The following PACSIN2 variants were observed in gnomAD, a reference collection of about 807,000 sequenced individuals.
The protein encoded by PACSIN2 is protein kinase C and casein kinase substrate in neurons 2, also known as protein kinase C and casein kinase substrate in neurons protein 2.
Under a neutral mutation model 63.8 loss-of-function variants are expected in PACSIN2, and 25 were observed. The ratio of observed to expected loss-of-function variants is 0.39; its 90% CI spans 0.29 to 0.55. PACSIN2 has a LOEUF of 0.55. Among genes scored for constraint, PACSIN2 ranks in the 20% least tolerant of loss-of-function variants. The pLI is 0.62. For synonymous variants in PACSIN2, 255 were observed against 256.2 expected, an observed-to-expected ratio of 1.00 and a Z score of 0.05; for missense variants, 518 against 646.9, an observed-to-expected ratio of 0.80 and a Z score of 2.16.
intron 2 of PACSIN2, among the ~76,000 whole-genome samples, chr22:42,907,396 T>G (rs923439721): frequency 6.6e-6 from 1 of 152,190 alleles, no homozygotes; most frequent in African/African-American, 2.4e-5. Flanking sequence ...CAGATACTAG[T>G]TCAGTGAAAA....
chr22:42,922,999 C>G (rs773708973), intron 1 of PACSIN2, among the ~76,000 whole-genome samples: 12 of 152,246 alleles, frequency 7.9e-5, no homozygotes, highest in Non-Finnish European at 1.2e-4. Context: ...GGGGAGGGGT[C>G]TTTCCGGCAG....
intron 1 of PACSIN2, among the ~76,000 whole-genome samples, chr22:42,925,480 T>TAAA (rs57374574): frequency 7.4e-6 from 1 of 134,318 alleles, no homozygotes; most frequent in African/African-American, 2.7e-5. Flanking sequence ...ACTCCGTCTT[T>TAAA]AAAAAAAAAA....
intron 1 of PACSIN2, among the ~76,000 whole-genome samples, chr22:42,925,824 T>C (rs555557576): frequency 1.4e-4 from 21 of 152,324 alleles, no homozygotes; most frequent in African/African-American, 4.8e-4. Context: ...ACCACCGGCC[T>C]CACGGGAGGC....
chr22:42,938,508 G>C (rs1411191019), intron 1 of PACSIN2, among the ~76,000 whole-genome samples: 10 of 152,216 alleles, frequency 6.6e-5, no homozygotes, highest in Non-Finnish European at 1.5e-4. Flanking sequence ...AGCAGGTAGG[G>C]AATCTTTTTC....
intron 1 of PACSIN2, among the ~76,000 whole-genome samples, chr22:42,977,854 G>A (rs1921817103): frequency 6.6e-6 from 1 of 152,082 alleles, no homozygotes; most frequent in Admixed American, 6.6e-5. Flanking sequence ...GTTTCCTGAG[G>A]CCTCCTAGCC....
chr22:42,874,323 T>TAA (rs5845568), intron 10 of PACSIN2, among the ~76,000 whole-genome samples: 132 of 133,866 alleles, frequency 9.9e-4, no homozygotes, highest in Non-Finnish European at 1.4e-3. Flanking sequence ...GTGTCTCTAT[T>TAA]AAAAAAAAAA....
intron 2 of PACSIN2, among the ~76,000 whole-genome samples, chr22:42,904,521 C>T (rs1447359125): frequency 6.6e-6 from 1 of 152,220 alleles, no homozygotes; most frequent in Non-Finnish European, 1.5e-5. Flanking sequence ...AGACCTGAGG[C>T]TTTTGGCAGA....
At chr22:42,918,606 C>A (rs1931961365) in intron 1 of PACSIN2, among the ~76,000 whole-genome samples, 1 of 152,184 alleles carries the variant, frequency 6.6e-6, no homozygotes, top group Non-Finnish European at 1.5e-5. Context: ...GAGACTCAAC[C>A]CAGACCATCA....
intron 1 of PACSIN2, among the ~76,000 whole-genome samples, chr22:42,977,742 T>G (rs1440295088): frequency 1.3e-5 from 2 of 152,154 alleles, no homozygotes; most frequent in Non-Finnish European, 2.9e-5. Flanking sequence ...AAGTGTGTTC[T>G]CGGAGATCTG....
At chr22:42,947,376 C>T (rs1933470574) in intron 1 of PACSIN2, among the ~76,000 whole-genome samples, 1 of 152,200 alleles carries the variant, frequency 6.6e-6, no homozygotes, top group African/African-American at 2.4e-5. Flanking sequence ...AACCCCTCCA[C>T]TTTCAGGCAG....
chr22:42,961,348 A>G (rs1177896746), intron 1 of PACSIN2, among the ~76,000 whole-genome samples: 1 of 151,762 alleles, frequency 6.6e-6, no homozygotes, highest in Non-Finnish European at 1.5e-5. Context: ...GGAAAACCAG[A>G]GACCTTTGTT....
chr22:42,937,856 G>A lies in PACSIN2; in HGVS notation c.-77-25699C>T, dbSNP rs575397321. On this transcript the variant is annotated intron_variant, in intron 1 of 10. Transcript: ENST00000263246. Reference sequence around the variant, plus strand: ...ACCAGTCACACAGACATGGAGCCCCGCAGGGGGACCCTTCTCCTGGCTCGA... The same window carrying A: ...ACCAGTCACACAGACATGGAGCCCCACAGGGGGACCCTTCTCCTGGCTCGA... Among the ~76,000 whole-genome samples the A allele has an allele frequency of 9.2e-5, 14 of 152,246 alleles. No homozygotes were observed. The South Asian group carries it at 1.5e-3, about 16-fold the overall frequency.
At chr22:43,012,866 C>T (rs1924593992) in intron 1 of PACSIN2, among the ~76,000 whole-genome samples, 1 of 152,188 alleles carries the variant, frequency 6.6e-6, no homozygotes, top group Non-Finnish European at 1.5e-5. Context: ...GTTGGTCAAG[C>T]TGGTCTCGAA....
At chr22:42,951,472 C>G (rs376839450) in intron 1 of PACSIN2, among the ~76,000 whole-genome samples, 1 of 152,166 alleles carries the variant, frequency 6.6e-6, no homozygotes, top group African/African-American at 2.4e-5. Context: ...GCTCCAGATC[C>G]GGCATGGCCC....
At chr22:42,949,006 G>A (rs1225091754) in intron 1 of PACSIN2, among the ~76,000 whole-genome samples, 1 of 152,168 alleles carries the variant, frequency 6.6e-6, no homozygotes, top group African/African-American at 2.4e-5. Flanking sequence ...TAAACAAGGG[G>A]AGTGGGTCAG....
At position 43,001,531 on chromosome 22, in the gene PACSIN2, C is replaced by T. The variant is rs559842594; in HGVS notation, c.-78+13490G>A. On this transcript the variant is annotated intron_variant, in intron 1 of 10. Coordinates refer to ENST00000263246, the MANE Select transcript of PACSIN2 (RefSeq NM_001184970.3). ...GGAGGGGAAGCAGGAAGCTGGGCAGCGCCTGGCAGAGCCAGTGCAGTCAGA... is the reference window on the plus strand; with the variant it reads ...GGAGGGGAAGCAGGAAGCTGGGCAGTGCCTGGCAGAGCCAGTGCAGTCAGA... Among the ~76,000 whole-genome samples the T allele has an allele frequency of 1.8e-4, 27 of 152,352 alleles. 1 individual carries two copies. In the South Asian group the frequency reaches 5.4e-3, roughly 30 times the overall value.
At chr22:42,915,308 A>G (rs559014946) in intron 1 of PACSIN2, among the ~76,000 whole-genome samples, 2 of 152,336 alleles carry the variant, frequency 1.3e-5, no homozygotes, top group Non-Finnish European at 2.9e-5. Flanking sequence ...ATCAGACAGG[A>G]CATATGCTCT....
At chr22:42,917,887 G>T (rs1234586790) in intron 1 of PACSIN2, among the ~76,000 whole-genome samples, 1 of 152,050 alleles carries the variant, frequency 6.6e-6, no homozygotes, top group Non-Finnish European at 1.5e-5. Flanking sequence ...AGCCTCCCAA[G>T]TAGCTAGGAC....
chr22:42,926,060 G>GT (rs796925381), intron 1 of PACSIN2, among the ~76,000 whole-genome samples: 1 of 152,202 alleles, frequency 6.6e-6, no homozygotes, highest in African/African-American at 2.4e-5. Flanking sequence ...AAGCTGGGAT[G>GT]TTTTTTAAGA....
Sources: allele counts gnomAD v4.1 joint callset (sites outside exome capture counted in the v4.1 genomes callset), GRCh38; gene constraint gnomAD v4.1.1; transcripts MANE v1.5; gene names NCBI Gene and HGNC (gene_info 2026-07-23, HGNC 2026-07-21).